Variants in TRIP12 observed in about 807,000 individuals in gnomAD.
TRIP12 encodes E3 ubiquitin-protein ligase TRIP12.
TRIP12 carries 25 observed loss-of-function variants against 244.2 expected under a neutral mutation model. The observed-to-expected ratio is 0.10, with a 90% confidence interval of 0.07 to 0.14. TRIP12 has a LOEUF of 0.14. Ranked by LOEUF, TRIP12 falls within the 10% of genes least tolerant of loss-of-function variation. The probability of loss-of-function intolerance (pLI) is 1.00; values close to 1 mark genes in which losing one functional copy is unlikely to be tolerated. For missense variants in TRIP12, 1,677 were observed against 2,486.4 expected, an observed-to-expected ratio of 0.67 and a Z score of 6.92; for synonymous variants, 905 against 873.1, an observed-to-expected ratio of 1.04 and a Z score of -0.64.
chr2:229,868,879 A>G (rs1313731694), intron 2 of TRIP12, among the ~76,000 whole-genome samples: 1 of 152,184 alleles, frequency 6.6e-6, no homozygotes, highest in Admixed American at 6.5e-5. Context: ...TCCTTTTTCT[A>G]GATGCAAGGT....
chr2:229,814,547 T>A, intron 11 of TRIP12: 2 of 399,532 alleles, frequency 5.0e-6, no homozygotes, highest in Admixed American at 4.1e-5. Context: ...ATGTTTTACA[T>A]AATAAACCAA....
chr2:229,826,527 G>A (rs1559672892), intron 8 of TRIP12, among the ~76,000 whole-genome samples: 1 of 152,162 alleles, frequency 6.6e-6, no homozygotes, highest in Non-Finnish European at 1.5e-5. Flanking sequence ...ACTACATGAT[G>A]AAATTTTATA....
intron 1 of TRIP12, among the ~76,000 whole-genome samples, chr2:229,915,941 TGCC>T (rs1404480603): frequency 4.6e-5 from 7 of 152,168 alleles, no homozygotes; most frequent in South Asian, 4.1e-4. Context: ...GTGATCCTCC[TGCC>T]TCAGCCTCCC....
intron 2 of TRIP12, among the ~76,000 whole-genome samples, chr2:229,875,399 A>AGTGG (rs2154350048): frequency 6.6e-6 from 1 of 152,330 alleles, no homozygotes; most frequent in East Asian, 1.9e-4. Context: ...AAAAAAACAG[A>AGTGG]GTGGGTCAAA....
chr2:229,854,353 A>C (rs2059246318), intron 4 of TRIP12, among the ~76,000 whole-genome samples: 1 of 152,226 alleles, frequency 6.6e-6, no homozygotes, highest in African/African-American at 2.4e-5. Context: ...AAAATTGACC[A>C]ATGGCCAGGA....
chr2:229,916,995 G>A (rs540977262), intron 1 of TRIP12, among the ~76,000 whole-genome samples: 65 of 152,268 alleles, frequency 4.3e-4, no homozygotes, highest in Admixed American at 8.5e-4. Context: ...TTGAGGTTAT[G>A]TCTTCAAGTC....
At chr2:229,815,363 G>A (rs575547675) in intron 9 of TRIP12, 55 bp from the exon 10 acceptor site, 5 of 1,051,662 alleles carry the variant, frequency 4.8e-6, no homozygotes, top group Non-Finnish European at 6.9e-6. Flanking sequence ...AAATCCTAGA[G>A]GTATTTCTTC....
intron 15 of TRIP12, among the ~76,000 whole-genome samples, chr2:229,810,183 G>T (rs2046921351): frequency 6.6e-6 from 1 of 152,162 alleles, no homozygotes; most frequent in African/African-American, 2.4e-5. Context: ...AATACAGTGA[G>T]ACCTTGTCTC....
At chr2:229,833,716 G>A (rs2054037572) in intron 6 of TRIP12, among the ~76,000 whole-genome samples, 1 of 151,946 alleles carries the variant, frequency 6.6e-6, no homozygotes, top group Non-Finnish European at 1.5e-5. Flanking sequence ...AGTAGTTTAG[G>A]TTATCTAAAG....
At chr2:229,796,479 T>C in intron 25 of TRIP12, 112 bp downstream of exon 25, 1 of 908,794 alleles carries the variant, frequency 1.1e-6, no homozygotes, top group Non-Finnish European at 1.5e-6. Context: ...ACCTAGAAGT[T>C]TTCCCTCAAT....
intron 5 of TRIP12, among the ~76,000 whole-genome samples, chr2:229,839,931 T>C (rs769447590): frequency 1.1e-4 from 17 of 152,348 alleles, no homozygotes; most frequent in Admixed American, 1.3e-4. Flanking sequence ...GAATCTAGAA[T>C]TGGAGATGGG....
At chr2:229,767,858 T>C in intron 41 of TRIP12, 108 bp from the exon 42 acceptor site, 2 of 1,159,730 alleles carry the variant, frequency 1.7e-6, no homozygotes, top group Non-Finnish European at 2.4e-6. Flanking sequence ...AGATATTCTT[T>C]CTTGCTTGGC....
chr2:229,819,062 A>T (rs1022425081), intron 8 of TRIP12, among the ~76,000 whole-genome samples: 4 of 146,902 alleles, frequency 2.7e-5, no homozygotes, highest in African/African-American at 9.8e-5. Flanking sequence ...ACACACACAC[A>T]CACACACACA....
chr2:229,838,750 C>T (rs1334103050), intron 5 of TRIP12, among the ~76,000 whole-genome samples: 3 of 152,120 alleles, frequency 2.0e-5, no homozygotes, highest in Admixed American at 2.0e-4. Context: ...TTCAGAAATC[C>T]TCAGAAAAGT....
intron 33 of TRIP12, among the ~76,000 whole-genome samples, chr2:229,786,217 T>C (rs891470885): frequency 1.3e-5 from 2 of 152,086 alleles, no homozygotes; most frequent in Non-Finnish European, 2.9e-5. Context: ...GATAGAGAAA[T>C]AGATATGGAG....
intron 7 of TRIP12, 31 bp from the exon 8 acceptor site, chr2:229,829,319 C>T (rs775782487): frequency 6.4e-7 from 1 of 1,568,404 alleles, no homozygotes; most frequent in Non-Finnish European, 8.7e-7. Flanking sequence ...GAGTGAACAA[C>T]TAAGATGACT....
Position 229,764,720 on chromosome 2 carries a change from G to C in TRIP12, c.*2834C>G, listed in dbSNP as rs1005970703. 1 of 152,224 alleles carries C rather than the reference G, an allele frequency of 6.6e-6. No individual in the cohort carries two copies. The highest frequency in any genetic ancestry group is 1.5e-5 in the Non-Finnish European group (1 of 68,058). 9.4% of individuals were successfully genotyped at this position (152,224 alleles called of 1,614,324 possible). ...GGTGCTCTGTCCCTTGGCCTTCTGT[G>C]GTAGGATGTATAGGATGCCCTAGGG... On this transcript the variant is annotated 3_prime_UTR_variant, in exon 42 of 42. Coordinates refer to ENST00000675903, the MANE Select transcript of TRIP12 (RefSeq NM_001348323.3).
chr2:229,871,211 G>A (rs990515097), intron 2 of TRIP12, among the ~76,000 whole-genome samples: 5 of 150,956 alleles, frequency 3.3e-5, no homozygotes, highest in East Asian at 1.9e-4. Context: ...GGGGAGGGGA[G>A]GGGACCGGAA....
At chr2:229,879,725 A>G (rs1443218058) in intron 2 of TRIP12, among the ~76,000 whole-genome samples, 1 of 152,256 alleles carries the variant, frequency 6.6e-6, no homozygotes, top group East Asian at 1.9e-4. Flanking sequence ...AAGGGCAAAC[A>G]AAACATGACA....
Sources: allele counts gnomAD v4.1 joint callset (sites outside exome capture counted in the v4.1 genomes callset), GRCh38; gene constraint gnomAD v4.1.1; transcripts MANE v1.5; gene names NCBI Gene and HGNC (gene_info 2026-07-23, HGNC 2026-07-21).